The following NCAM2 variants were observed in gnomAD, a reference collection of about 807,000 sequenced individuals.
The protein encoded by NCAM2 is neural cell adhesion molecule 2.
Under a neutral mutation model 98.1 loss-of-function variants are expected in NCAM2, and 30 were observed. The observed-to-expected ratio is 0.31, with a 90% CI of 0.23 to 0.41. The LOEUF (loss-of-function observed/expected upper bound fraction) is 0.41. Ranked by LOEUF, NCAM2 falls within the 10% of genes least tolerant of loss-of-function variation. NCAM2 has a pLI of 1.00. For synonymous variants in NCAM2, 368 were observed against 342.4 expected (o/e 1.07, Z -0.83); for missense variants, 867 against 1,005.8 (o/e 0.86, Z 1.87).
intron 9 of NCAM2, among the ~76,000 whole-genome samples, chr21:21,400,922 T>A (rs1158010213): frequency 2.6e-5 from 4 of 152,214 alleles, no homozygotes; most frequent in Non-Finnish European, 4.4e-5. Flanking sequence ...GTTTATTTTT[T>A]AAATTTGTCC....
At chr21:21,427,377 A>G (rs2077237525) in intron 11 of NCAM2, among the ~76,000 whole-genome samples, 1 of 152,250 alleles carries the variant, frequency 6.6e-6, no homozygotes, top group Admixed American at 6.5e-5. Flanking sequence ...TGAAGGGTTT[A>G]GTCTTGGAAA....
chr21:21,299,514 C>T (rs1357991279), intron 5 of NCAM2, among the ~76,000 whole-genome samples: 1 of 151,738 alleles, frequency 6.6e-6, no homozygotes, highest in African/African-American at 2.4e-5. Flanking sequence ...TGCAGATATG[C>T]TTAATTTCTC....
At chr21:21,432,342 G>A in intron 12 of NCAM2, 61 bp downstream of exon 12, 1 of 1,494,284 alleles carries the variant, frequency 6.7e-7, no homozygotes, top group Non-Finnish European at 9.1e-7. Flanking sequence ...ATACCTGTAT[G>A]ATTGGCTTTT....
chr21:21,276,873 T>C lies in NCAM2; in HGVS notation c.56-3705T>C, dbSNP rs532759881. 3.9e-4 allele frequency among the ~76,000 whole-genome samples: 59 copies of C among 152,220 alleles called. No homozygotes were observed. In the South Asian group the frequency reaches 0.012, roughly 32 times the overall value. On this transcript the variant is annotated intron_variant, in intron 1 of 17. Transcript: ENST00000400546. Reference sequence around the variant, plus strand: ...CATGAATAATATGGCTTAATTAATATGTGCATTGGTAATTTGTACTGAATG... The same window carrying C: ...CATGAATAATATGGCTTAATTAATACGTGCATTGGTAATTTGTACTGAATG...
intron 1 of NCAM2, among the ~76,000 whole-genome samples, chr21:21,018,167 A>G (rs1205582637): frequency 6.6e-6 from 1 of 152,236 alleles, no homozygotes; most frequent in East Asian, 1.9e-4. Flanking sequence ...CTACAAAACA[A>G]TATCTGCTGT....
chr21:21,024,730 A>G (rs973677322), intron 1 of NCAM2, among the ~76,000 whole-genome samples: 9 of 151,770 alleles, frequency 5.9e-5, no homozygotes, highest in Non-Finnish European at 1.2e-4. Flanking sequence ...ACAGAAAAAG[A>G]AAAAAAATTA....
At chr21:21,525,833 A>G (rs1307724399) in intron 16 of NCAM2, among the ~76,000 whole-genome samples, 2 of 152,154 alleles carry the variant, frequency 1.3e-5, no homozygotes, top group East Asian at 1.9e-4. Context: ...TATCCCAGGT[A>G]TGCAAGTCTG....
chr21:21,306,349 T>G (rs2073879238), intron 5 of NCAM2, among the ~76,000 whole-genome samples: 1 of 152,162 alleles, frequency 6.6e-6, no homozygotes, highest in East Asian at 1.9e-4. Context: ...CTCCATGTAT[T>G]TTAAGCTCTC....
chr21:21,437,474 C>CTGTGTGTGTGTGTCTGTGTG (rs1555895642), intron 12 of NCAM2, among the ~76,000 whole-genome samples: 1 of 144,430 alleles, frequency 6.9e-6, no homozygotes, highest in African/African-American at 2.6e-5. Flanking sequence ...CACCAAGATT[C>CTGTGTGTGTGTGTCTGTGTG]TGTGTGTGTG....
chr21:21,495,674 T>C (rs1044032232), intron 15 of NCAM2, among the ~76,000 whole-genome samples: 4 of 152,056 alleles, frequency 2.6e-5, no homozygotes, highest in African/African-American at 9.7e-5. Context: ...CAATCACCTC[T>C]AATATCCATG....
chr21:21,117,231 A>C (rs931150385), intron 1 of NCAM2, among the ~76,000 whole-genome samples: 3 of 152,164 alleles, frequency 2.0e-5, no homozygotes, highest in African/African-American at 4.8e-5. Flanking sequence ...TCATGCTCAC[A>C]GCTTGGCAAT....
intron 1 of NCAM2, among the ~76,000 whole-genome samples, chr21:21,043,825 G>A (rs1381747002): frequency 2.2e-5 from 3 of 138,276 alleles, no homozygotes; most frequent in East Asian, 4.3e-4. Context: ...CTGCACTCCA[G>A]CCTGGGTGAC....
chr21:21,160,300 A>G (rs559141992), intron 1 of NCAM2, among the ~76,000 whole-genome samples: 2 of 152,006 alleles, frequency 1.3e-5, no homozygotes, highest in South Asian at 2.1e-4. Context: ...CTTCTATAAT[A>G]TATAATTATC....
chr21:21,177,390 A>AT (rs5842900), intron 1 of NCAM2, among the ~76,000 whole-genome samples: 152,221 of 152,222 alleles, frequency 1, 76,110 homozygotes, highest in Middle Eastern at 1. Context: ...GCATTTGCAG[A>AT]TGTCTAGAAA....
intron 1 of NCAM2, among the ~76,000 whole-genome samples, chr21:21,201,240 T>C (rs1338682982): frequency 6.6e-6 from 1 of 152,194 alleles, no homozygotes; most frequent in Non-Finnish European, 1.5e-5. Context: ...TTATCCAATT[T>C]AGAGAAGTTT....
At position 21,200,811 on chromosome 21, in the gene NCAM2, T is replaced by C. The variant is rs73334378; in HGVS notation, c.56-79767T>C. ...CCCAAAAGCATTTTGGTTCCATCTT[T>C]GAGAAATAAAATTAGTCTTATAAAC... is the stretch of plus-strand genomic sequence containing the variant. On this transcript the variant is annotated intron_variant, in intron 1 of 17. Transcript: ENST00000400546. 3.4e-3 allele frequency among the ~76,000 whole-genome samples: 507 copies of C among 150,676 alleles called. 6 individuals are homozygous for C. Among genetic ancestry groups the C allele is most frequent in the African/African-American group, 0.012 (484 of 41,052 alleles).
intron 1 of NCAM2, among the ~76,000 whole-genome samples, chr21:21,275,653 G>A (rs2072701647): frequency 6.6e-6 from 1 of 151,836 alleles, no homozygotes; most frequent in African/African-American, 2.4e-5. Context: ...TAACATCTTT[G>A]ACTTTTCTCC....
At chr21:21,134,973 G>A (rs977866669) in intron 1 of NCAM2, among the ~76,000 whole-genome samples, 7 of 151,746 alleles carry the variant, frequency 4.6e-5, no homozygotes, top group African/African-American at 1.5e-4. Flanking sequence ...GGCGGCTCAC[G>A]CCTGTAATCC....
chr21:21,385,400 GCA>G (rs1176937026), intron 9 of NCAM2, among the ~76,000 whole-genome samples: 1 of 49,388 alleles, frequency 2.0e-5, no homozygotes, highest in Non-Finnish European at 4.4e-5. Context: ...ACACACACAC[GCA>G]CACACACATA....
Sources: allele counts gnomAD v4.1 joint callset (sites outside exome capture counted in the v4.1 genomes callset), GRCh38; gene constraint gnomAD v4.1.1; transcripts MANE v1.5; gene names NCBI Gene and HGNC (gene_info 2026-07-23, HGNC 2026-07-21).